The following GON4L variants were observed in gnomAD, a reference collection of about 807,000 sequenced individuals.
GON4L encodes the protein gon-4 like.
Under a neutral mutation model 211.8 loss-of-function variants are expected in GON4L, and 87 were observed. The observed-to-expected ratio is 0.41, with a 90% confidence interval of 0.35 to 0.49. The LOEUF (loss-of-function observed/expected upper bound fraction) is 0.49, where lower values mean the gene tolerates loss of function less well. GON4L is among the 20% of genes least tolerant of loss of function. The pLI, the probability that GON4L is intolerant of heterozygous loss-of-function variation, is 0.15. For synonymous variants in GON4L, 875 were observed against 962.6 expected (o/e 0.91, Z 1.68); for missense variants, 2,155 against 2,659.5 (o/e 0.81, Z 4.17).
intron 11 of GON4L, among the ~76,000 whole-genome samples, chr1:155,799,833 C>T (rs1297296943): frequency 6.6e-6 from 1 of 152,166 alleles, no homozygotes; most frequent in Non-Finnish European, 1.5e-5. Context: ...CTGCTGCTAC[C>T]AATAACGCTA....
Position 155,765,353 on chromosome 1 carries a change from G to A in GON4L, c.4120C>T (p.Gln1374Ter). 6.2e-7 allele frequency: 1 copy of A among 1,614,166 alleles called. No individual in the cohort carries two copies. Among genetic ancestry groups the A allele is most frequent in the Non-Finnish European group, 8.5e-7 (1 of 1,180,010 alleles). Residue 1374 changes from glutamine (Q) to a stop codon, truncating the protein, a stop_gained, in exon 21 of 32, where the codon CAG (glutamine) becomes TAG (stop). Transcript: ENST00000368331. LOFTEE classifies it high-confidence loss of function. Reference protein sequence around the residue: ...ELSSAGEVTKQTVLQKEEERS... With the variant: ...ELSSAGEVTK ...TCCTCTTCCTTCTGTAAGACTGTCT[G>A]TTTCGTTACTTCTCCAGCACTGCTC...
intron 8 of GON4L, 121 bp downstream of exon 8, chr1:155,815,684 A>C: frequency 1.4e-6 from 1 of 710,088 alleles, no homozygotes; most frequent in South Asian, 1.5e-5. Flanking sequence ...AAACAGCTTA[A>C]AGCACAGAAA....
chr1:155,829,611 G>A (rs1331598639), intron 2 of GON4L, among the ~76,000 whole-genome samples: 1 of 152,084 alleles, frequency 6.6e-6, no homozygotes, highest in African/African-American at 2.4e-5. Context: ...GCGAGGCACT[G>A]TCTCCAAAAA....
At chr1:155,807,107 ACAGGGC>A (rs1667204170) in intron 10 of GON4L, among the ~76,000 whole-genome samples, 1 of 151,422 alleles carries the variant, frequency 6.6e-6, no homozygotes, top group South Asian at 2.1e-4. Context: ...AAAAAAAAAA[ACAGGGC>A]CAGGCACAGA....
intron 19 of GON4L, among the ~76,000 whole-genome samples, chr1:155,768,610 C>CAA (rs767701993): frequency 6.9e-5 from 8 of 116,632 alleles, no homozygotes; most frequent in Non-Finnish European, 7.3e-5. Context: ...GACTCCATCT[C>CAA]AAAAAAAAAA....
chr1:155,763,344 G>A lies in GON4L; in HGVS notation c.4694C>T (p.Ala1565Val). ...KPPTFASPET[A>V]PEVETSRTPP... ...AGTTCTGCTGGTCTCCACTTCTGGA[G>A]CAGTCTCAGGTGAAGCAAAAGTAGG... The change falls in exon 22 of 32, where the codon GCT becomes GTT. Residue 1565 changes from alanine to valine, a missense_variant. Ala to Val is a moderately conservative substitution (Grantham distance 64). Around this residue, in one of 6 missense-constraint regions of GON4L, gnomAD observed 455 missense variants for 504.6 expected, o/e 0.90. Coordinates refer to ENST00000368331, the MANE Select transcript of GON4L (RefSeq NM_001282860.2). 6.2e-7 allele frequency: 1 copy of A among 1,613,848 alleles called. No individual in the cohort carries two copies. Among genetic ancestry groups the A allele is most frequent in the South Asian group, 1.1e-5 (1 of 91,050 alleles).
intron 27 of GON4L, chr1:155,756,455 A>C (rs1661191485): frequency 6.5e-6 from 1 of 153,282 alleles, no homozygotes; most frequent in Non-Finnish European, 1.5e-5. Context: ...AGTTTTCCCA[A>C]AGGCTCTGCA....
chr1:155,826,290 C>A (rs994688832), intron 3 of GON4L, among the ~76,000 whole-genome samples: 2 of 151,770 alleles, frequency 1.3e-5, no homozygotes, highest in Admixed American at 6.6e-5. Flanking sequence ...ACTGGCTAGG[C>A]GCAGTGGCTC....
At chr1:155,850,909 T>C (rs1448772946) in intron 2 of GON4L, among the ~76,000 whole-genome samples, 2 of 149,288 alleles carry the variant, frequency 1.3e-5, no homozygotes, top group African/African-American at 4.9e-5. Context: ...AAAAAAAAAT[T>C]AGCTGAGCGT....
At chr1:155,844,950 A>G (rs889301956) in intron 2 of GON4L, among the ~76,000 whole-genome samples, 5 of 152,164 alleles carry the variant, frequency 3.3e-5, no homozygotes, top group Admixed American at 3.3e-4. Context: ...GTGGCTTCCA[A>G]CACATCCTTG....
At chr1:155,850,858 G>T (rs1352956699) in intron 2 of GON4L, among the ~76,000 whole-genome samples, 1 of 150,914 alleles carries the variant, frequency 6.6e-6, no homozygotes, top group African/African-American at 2.4e-5. Context: ...AGACCAGCGT[G>T]GCCAGCATGG....
At position 155,814,611 on chromosome 1, in the gene GON4L, T is replaced by C. The variant is rs540059554; in HGVS notation, c.1162-162A>G. Among the ~76,000 whole-genome samples the C allele has an allele frequency of 2.4e-3, 370 of 151,888 alleles. 2 individuals carry two copies. Among genetic ancestry groups the C allele is most frequent in the African/African-American group, 8.2e-3 (339 of 41,402 alleles). ...AAATACAAAAATAAGCCAGGCGCGG[T>C]GGCGTGCACCTGTAATCCCAGCTAC... On this transcript the variant is annotated intron_variant, in intron 8 of 31. Coordinates refer to ENST00000368331, the MANE Select transcript of GON4L (RefSeq NM_001282860.2).
intron 11 of GON4L, among the ~76,000 whole-genome samples, chr1:155,801,031 C>T (rs1362704998): frequency 6.7e-6 from 1 of 148,764 alleles, no homozygotes; most frequent in Non-Finnish European, 1.5e-5. Flanking sequence ...AACTATCTGT[C>T]CTTGGGCAAC....
At chr1:155,855,408 C>T (rs936750175) in intron 1 of GON4L, among the ~76,000 whole-genome samples, 1 of 152,014 alleles carries the variant, frequency 6.6e-6, no homozygotes, top group African/African-American at 2.4e-5. Flanking sequence ...CCAGGCTGCA[C>T]TGCAGTGGCA....
chr1:155,762,330 C>A lies in GON4L; in HGVS notation c.4771G>T (p.Ala1591Ser). 6 of 1,613,632 alleles carry A rather than the reference C, an allele frequency of 3.7e-6. No homozygotes were observed. The highest frequency in any genetic ancestry group is 5.1e-6 in the Non-Finnish European group (6 of 1,179,612). ...AAGKGRNNHR[A>S]RNKRGSRARA... is the part of the protein sequence containing the mutation. ...GCCCGACTTCCCCGCTTGTTGCGAGCTCGATGATTGTTCCGGCCTTTTCCA... is the reference window on the plus strand; with the variant it reads ...GCCCGACTTCCCCGCTTGTTGCGAGATCGATGATTGTTCCGGCCTTTTCCA... Residue 1591 changes from alanine (A) to serine (S), a missense_variant, in exon 23 of 32, where the codon GCT becomes TCT. Physicochemically the swap from Ala to Ser is moderately conservative, Grantham distance 99 (BLOSUM62 1). Transcript: ENST00000368331.
At position 155,773,113 on chromosome 1, in the gene GON4L, C is replaced by T. The variant is rs753720059; in HGVS notation, c.2448G>A (p.Lys816=). 1 of 1,613,126 alleles carries T rather than the reference C, an allele frequency of 6.2e-7. No individual in the cohort carries two copies. Among genetic ancestry groups the T allele is most frequent in the Non-Finnish European group, 8.5e-7 (1 of 1,179,936 alleles). The stretch of plus-strand genomic sequence containing the variant: ...CGATCTTATCCTGGGGATTCTTTGC[C>T]TTCAGGGAACACACTGGAAGTAACT... ...YPELLPVCSL[K]AKNPQDKIVF... Residue 816 remains lysine, a synonymous_variant, in exon 18 of 32, where the codon AAG becomes AAA. Coordinates refer to ENST00000368331, the MANE Select transcript of GON4L (RefSeq NM_001282860.2).
Position 155,771,228 on chromosome 1 carries a change from A to G in GON4L, c.2496-11T>C, listed in dbSNP as rs1213091416. 7 of 1,613,836 alleles carry G rather than the reference A, an allele frequency of 4.3e-6. No individual in the cohort carries two copies. The highest frequency in any genetic ancestry group is 5.9e-6 in the Non-Finnish European group (7 of 1,179,810). ...CCTAAAGCTAACAAACTGAGAAAGG[A>G]GAATAACACTAAATCTCACTTCACA... is the stretch of plus-strand genomic sequence containing the variant. On this transcript the variant is annotated splice_polypyrimidine_tract_variant and intron_variant, in intron 18 of 31. Transcript: ENST00000368331.
At chr1:155,830,600 T>C (rs1669668830) in intron 2 of GON4L, among the ~76,000 whole-genome samples, 1 of 152,040 alleles carries the variant, frequency 6.6e-6, no homozygotes, top group Non-Finnish European at 1.5e-5. Flanking sequence ...TTTTTTGTTG[T>C]TGCTGAGACA....
At chr1:155,771,604 C>G (rs1421243856) in intron 18 of GON4L, among the ~76,000 whole-genome samples, 3 of 152,158 alleles carry the variant, frequency 2.0e-5, no homozygotes. Context: ...TCCCAAGTAT[C>G]TGTGACCACA....
Sources: allele counts gnomAD v4.1 joint callset (sites outside exome capture counted in the v4.1 genomes callset), GRCh38; gene constraint gnomAD v4.1.1; regional missense constraint gnomAD v4.1.1; transcripts MANE v1.5; gene names NCBI Gene and HGNC (gene_info 2026-07-23, HGNC 2026-07-21).